The following CCDC171 variants were observed in gnomAD, a reference collection of about 807,000 sequenced individuals.
CCDC171 encodes the protein coiled-coil domain-containing protein 171.
A neutral mutation model predicts 168.2 loss-of-function variants in CCDC171; 177 were observed. The ratio of observed to expected loss-of-function variants is 1.05; its 90% CI spans 0.93 to 1.19. The LOEUF (loss-of-function observed/expected upper bound fraction) is 1.19. Among genes scored for constraint, CCDC171 ranks in the 50% most tolerant of loss-of-function variants. The pLI, the probability that CCDC171 is intolerant of heterozygous loss-of-function variation, is 0.00. For synonymous variants in CCDC171, 687 were observed against 540.8 expected (o/e 1.27, Z -3.75); for missense variants, 1,991 against 1,539.0 (o/e 1.29, Z -4.91).
chr9:15,860,503 A>G lies in CCDC171; in HGVS notation c.3468+11556A>G, dbSNP rs190633717. ...AAGATATTTTCTAACTTTCCTAATG[A>G]TTTCTTTCTTATGCCGCTGGTTGTT... On this transcript the variant is annotated intron_variant, in intron 23 of 25. Transcript: ENST00000380701. Among the ~76,000 whole-genome samples, 85 of 151,136 alleles carry G rather than the reference A, an allele frequency of 5.6e-4. 1 individual carries two copies. The highest frequency in any genetic ancestry group is 1.9e-3 in the African/African-American group (80 of 41,174).
rs992861519 is a variant in CCDC171 at position 15,806,658 on chromosome 9, C to CT, written c.3267+21972dup. Among the ~76,000 whole-genome samples the CT allele has an allele frequency of 7.9e-5, 12 of 151,948 alleles. No individual in the cohort carries two copies. The South Asian group carries it at 1.2e-3, about 16-fold the overall frequency. On this transcript the variant is annotated intron_variant, in intron 21 of 25. Coordinates refer to ENST00000380701, the MANE Select transcript of CCDC171 (RefSeq NM_173550.4). ...TTTTTCTCTAGCTAACTTTAACATT[C>CT]TTTTTTTTCATTTCAATCTTGGAAA...
chr9:15,691,180 A>C (rs999200798), intron 10 of CCDC171, among the ~76,000 whole-genome samples: 7 of 152,132 alleles, frequency 4.6e-5, no homozygotes, highest in Admixed American at 2.6e-4. Context: ...AGCAAAAAAA[A>C]CTGCCAGAAA....
At chr9:16,106,545 T>G in the CCDC171 span, among the ~76,000 whole-genome samples, 1 of 152,202 alleles carries the variant, frequency 6.6e-6, no homozygotes, top group African/African-American at 2.4e-5. Context: ...GCCTGTAAAC[T>G]GTGAATTAGA....
chr9:15,798,561 T>A (rs528247778), intron 21 of CCDC171, among the ~76,000 whole-genome samples: 13 of 152,268 alleles, frequency 8.5e-5, no homozygotes, highest in African/African-American at 3.1e-4. Flanking sequence ...AGTTTAGCCC[T>A]TCTTTTTCTA....
chr9:16,033,948 A>G (rs1291512893), intron 6 of CCDC171, among the ~76,000 whole-genome samples: 2 of 152,206 alleles, frequency 1.3e-5, no homozygotes, highest in African/African-American at 4.8e-5. Flanking sequence ...GGGGAGTGGA[A>G]TGGTGTCTTC....
intron 21 of CCDC171, among the ~76,000 whole-genome samples, chr9:15,838,732 G>A (rs1813927323): frequency 6.6e-6 from 1 of 152,110 alleles, no homozygotes; most frequent in African/African-American, 2.4e-5. Context: ...ACGCCTGGCT[G>A]GATACCAGTT....
rs191443810 is a variant in CCDC171, at chr9:15,560,750, C to G, written c.-111-3228C>G. ...TTCTCTTAACTCATCAAAGTCATTC[C>G]CAGTCCAGCTTTGTTCCGTTGCTGG... On this transcript the variant is annotated intron_variant, in intron 1 of 25. Transcript: ENST00000380701. Among the ~76,000 whole-genome samples, 241 of 152,222 alleles carry G rather than the reference C, an allele frequency of 1.6e-3. 2 individuals carry two copies. Among genetic ancestry groups the G allele is most frequent in the Non-Finnish European group, 2.8e-3 (187 of 67,992 alleles).
At chr9:15,955,457 A>G (rs1829696805) in intron 25 of CCDC171, among the ~76,000 whole-genome samples, 1 of 152,134 alleles carries the variant, frequency 6.6e-6, no homozygotes, top group Non-Finnish European at 1.5e-5. Context: ...TATTTGGAGA[A>G]CAAGGTTCTT....
intron 3 of CCDC171, among the ~76,000 whole-genome samples, chr9:15,998,415 C>A (rs1198949879): frequency 7.9e-5 from 12 of 152,120 alleles, no homozygotes; most frequent in Non-Finnish European, 1.5e-4. Flanking sequence ...TAGTCAGATG[C>A]TATGTAGTTC....
At chr9:15,877,416 C>T (rs898823421) in intron 24 of CCDC171, among the ~76,000 whole-genome samples, 2 of 151,982 alleles carry the variant, frequency 1.3e-5, no homozygotes, top group Non-Finnish European at 2.9e-5. Flanking sequence ...TTTGAGGAAT[C>T]GTTATTTAAG....
chr9:15,712,305 C>T lies in CCDC171; in HGVS notation c.1319-9464C>T, dbSNP rs145678645. Reference sequence around the variant, plus strand: ...GTCAGGCTGATAAAAAATTCACCATCACATCCCCTTTTCTCCTTCCTCCTT... The same window carrying T: ...GTCAGGCTGATAAAAAATTCACCATTACATCCCCTTTTCTCCTTCCTCCTT... On this transcript the variant is annotated intron_variant, in intron 11 of 25. Coordinates refer to ENST00000380701, the MANE Select transcript of CCDC171 (RefSeq NM_173550.4). 3.5e-3 allele frequency among the ~76,000 whole-genome samples: 527 copies of T among 152,322 alleles called. 6 individuals are homozygous for T. Among genetic ancestry groups the T allele is most frequent in the African/African-American group, 0.012 (483 of 41,564 alleles).
the CCDC171 span, among the ~76,000 whole-genome samples, chr9:16,094,231 A>G: frequency 6.6e-6 from 1 of 152,218 alleles, no homozygotes; most frequent in Non-Finnish European, 1.5e-5. Context: ...TTATTCTTTT[A>G]GGCCTTTAGC....
At chr9:15,823,629 T>C (rs1476158496) in intron 21 of CCDC171, among the ~76,000 whole-genome samples, 1 of 152,092 alleles carries the variant, frequency 6.6e-6, no homozygotes, top group Non-Finnish European at 1.5e-5. Flanking sequence ...ACAATACGCA[T>C]GAGGACGCTG....
At position 15,744,304 on chromosome 9, in the gene CCDC171, A is replaced by G. The variant is rs1005022859; in HGVS notation, c.2081A>G (p.Glu694Gly). The change falls in exon 17 of 26, where the codon GAA (glutamate) becomes GGA (glycine). Residue 694 changes from glutamate to glycine, a missense_variant. Glu to Gly is a moderately conservative substitution (Grantham distance 98, BLOSUM62 -2). Coordinates refer to ENST00000380701, the MANE Select transcript of CCDC171 (RefSeq NM_173550.4). Reference sequence around the variant, plus strand: ...CAAGAAATTGCTGAAAAAAACATGGAAAAATTGAACCATATTGAGAAGTCA... The same window carrying G: ...CAAGAAATTGCTGAAAAAAACATGGGAAAATTGAACCATATTGAGAAGTCA... ...KFQEIAEKNM[E>G]KLNHIEKSHE... 2 of 1,586,064 alleles carry G rather than the reference A, an allele frequency of 1.3e-6. No individual in the cohort carries two copies. Among genetic ancestry groups the G allele is most frequent in the Non-Finnish European group, 1.7e-6 (2 of 1,170,086 alleles).
At chr9:15,746,538 T>G (rs757513402) in intron 18 of CCDC171, among the ~76,000 whole-genome samples, 6 of 152,168 alleles carry the variant, frequency 3.9e-5, no homozygotes, top group Non-Finnish European at 7.3e-5. Context: ...TTTTAAGAAT[T>G]TTGGTATTAT....
chr9:15,573,566 G>A (rs2040405551), intron 3 of CCDC171, among the ~76,000 whole-genome samples: 2 of 152,200 alleles, frequency 1.3e-5, no homozygotes, highest in African/African-American at 4.8e-5. Flanking sequence ...ACAGGCGTGA[G>A]CCACTGTGCC....
intron 7 of CCDC171, among the ~76,000 whole-genome samples, chr9:15,650,401 AAAAAAG>A (rs2047419711): frequency 6.6e-6 from 1 of 152,124 alleles, no homozygotes. Context: ...AGTATAATAA[AAAAAAG>A]AAAAAAAATA....
At chr9:15,624,216 A>C (rs921526018) in intron 7 of CCDC171, among the ~76,000 whole-genome samples, 10 of 152,210 alleles carry the variant, frequency 6.6e-5, no homozygotes, top group Non-Finnish European at 1.5e-4. Context: ...ATATGTAAAT[A>C]AAATGAATAG....
intron 1 of CCDC171, among the ~76,000 whole-genome samples, chr9:16,046,929 C>G (rs1833671622): frequency 6.6e-6 from 1 of 152,148 alleles, no homozygotes; most frequent in Non-Finnish European, 1.5e-5. Context: ...CAGTCGTTCC[C>G]CAGGCATCTC....
Sources: gnomAD v4.1 joint callset for allele counts (sites outside exome capture counted in the v4.1 genomes callset) on GRCh38, gnomAD v4.1.1 for gene constraint, MANE v1.5 for transcripts, NCBI Gene and HGNC (gene_info 2026-07-23, HGNC 2026-07-21) for gene names.